The following RNF150 variants were observed in gnomAD, a reference collection of about 807,000 sequenced individuals.
RNF150 encodes ring finger protein 150.
Under a neutral mutation model 39.3 loss-of-function variants are expected in RNF150, and 24 were observed. The observed-to-expected ratio is 0.61, with a 90% CI of 0.44 to 0.86. RNF150 has a LOEUF of 0.86. Ranked by LOEUF, RNF150 falls within the 40% of genes least tolerant of loss-of-function variation. The pLI is 0.00. For synonymous variants in RNF150, 255 were observed against 227.3 expected (o/e 1.12, Z -1.10); for missense variants, 502 against 587.8 (o/e 0.85, Z 1.51).
chr4:141,042,481 C>T (rs528007698), intron 1 of RNF150, among the ~76,000 whole-genome samples: 31 of 151,982 alleles, frequency 2.0e-4, no homozygotes, highest in Admixed American at 4.6e-4. Context: ...GTCTTCCTTC[C>T]TTGAGGCTTT....
intron 5 of RNF150, among the ~76,000 whole-genome samples, chr4:140,916,739 G>T (rs1003578843): frequency 6.6e-6 from 1 of 152,182 alleles, no homozygotes; most frequent in Non-Finnish European, 1.5e-5. Flanking sequence ...ACACGTAATT[G>T]TCAGATTCAC....
chr4:141,186,698 C>G (rs1728019171), intron 1 of RNF150, among the ~76,000 whole-genome samples: 1 of 152,046 alleles, frequency 6.6e-6, no homozygotes, highest in Admixed American at 6.5e-5. Context: ...AGCCACTGCA[C>G]CTGGCCACTT....
At chr4:140,923,870 G>A (rs1159483998) in intron 5 of RNF150, among the ~76,000 whole-genome samples, 1 of 151,494 alleles carries the variant, frequency 6.6e-6, no homozygotes, top group African/African-American at 2.4e-5. Flanking sequence ...CTGTTGCAAG[G>A]ACAAAAAACC....
At chr4:141,191,164 T>A (rs354931) in intron 1 of RNF150, among the ~76,000 whole-genome samples, 142,357 of 152,266 alleles carry the variant, frequency 0.93, 67,234 homozygotes, top group Non-Finnish European at 1. Flanking sequence ...GGTTACTTTC[T>A]GGATGGTGAC....
chr4:141,082,076 C>T (rs139473677), intron 1 of RNF150, among the ~76,000 whole-genome samples: 1 of 152,324 alleles, frequency 6.6e-6, no homozygotes, highest in East Asian at 1.9e-4. Flanking sequence ...ACGTTAATTG[C>T]ACAGTCACAA....
At chr4:141,157,659 C>T (rs1005688779) in intron 1 of RNF150, among the ~76,000 whole-genome samples, 1 of 128,310 alleles carries the variant, frequency 7.8e-6, no homozygotes, top group African/African-American at 2.5e-5. Context: ...TAGACTGATT[C>T]CATATGTCTT....
intron 5 of RNF150, among the ~76,000 whole-genome samples, chr4:140,917,548 T>G (rs371333616): frequency 2.6e-5 from 4 of 152,156 alleles, no homozygotes; most frequent in Non-Finnish European, 4.4e-5. Flanking sequence ...AGCAAGTCCT[T>G]AGTGACCTAC....
intron 1 of RNF150, among the ~76,000 whole-genome samples, chr4:141,034,796 C>T (rs1357669954): frequency 1.3e-5 from 2 of 152,014 alleles, no homozygotes; most frequent in African/African-American, 4.8e-5. Flanking sequence ...TTAAGTTCAC[C>T]ATCTTATATA....
At chr4:140,934,366 C>G (rs896432342) in intron 4 of RNF150, among the ~76,000 whole-genome samples, 1 of 151,954 alleles carries the variant, frequency 6.6e-6, no homozygotes, top group African/African-American at 2.4e-5. Context: ...CAATATAGCA[C>G]CAGTAGTAAT....
At chr4:141,044,381 A>G (rs992071733) in intron 1 of RNF150, among the ~76,000 whole-genome samples, 11 of 152,166 alleles carry the variant, frequency 7.2e-5, no homozygotes, top group African/African-American at 2.7e-4. Flanking sequence ...AAATTCTCAA[A>G]ATGGTAATCT....
At chr4:141,097,290 A>C (rs1401493328) in intron 1 of RNF150, among the ~76,000 whole-genome samples, 2 of 152,220 alleles carry the variant, frequency 1.3e-5, no homozygotes, top group African/African-American at 4.8e-5. Context: ...TGTTGATTGA[A>C]TGCATTTCTC....
At chr4:140,978,908 A>G (rs1341474339) in intron 1 of RNF150, among the ~76,000 whole-genome samples, 2 of 152,208 alleles carry the variant, frequency 1.3e-5, no homozygotes, top group African/African-American at 4.8e-5. Flanking sequence ...TTTTCATTAA[A>G]GTCAGTTTCT....
At chr4:140,946,967 G>A (rs1732339102) in intron 4 of RNF150, among the ~76,000 whole-genome samples, 1 of 152,034 alleles carries the variant, frequency 6.6e-6, no homozygotes, top group South Asian at 2.1e-4. Context: ...AAAAGATTTG[G>A]TTTCATTAAA....
chr4:141,147,788 G>T (rs1272087202), intron 1 of RNF150, among the ~76,000 whole-genome samples: 1 of 152,164 alleles, frequency 6.6e-6, no homozygotes, highest in East Asian at 1.9e-4. Context: ...TTTCAGAGGG[G>T]AGGGGAAAAG....
chr4:141,088,279 C>T (rs114863296), intron 1 of RNF150, among the ~76,000 whole-genome samples: 38 of 152,248 alleles, frequency 2.5e-4, no homozygotes, highest in Admixed American at 7.2e-4. Flanking sequence ...CTCATCTGAG[C>T]GATCCAGTCT....
intron 1 of RNF150, among the ~76,000 whole-genome samples, chr4:141,205,277 A>T (rs901700610): frequency 7.2e-5 from 11 of 152,156 alleles, no homozygotes; most frequent in Non-Finnish European, 1.3e-4. Flanking sequence ...TGTTTATAAG[A>T]TGTTTTTCAT....
chr4:141,177,943 T>C (rs1009331045), intron 1 of RNF150, among the ~76,000 whole-genome samples: 3 of 152,104 alleles, frequency 2.0e-5, no homozygotes, highest in African/African-American at 7.2e-5. Flanking sequence ...AATATGGTAA[T>C]TAAGGTTTTG....
rs529168797 is a variant in RNF150, at chr4:140,867,309, A to G, written c.*952T>C. On this transcript the variant is annotated 3_prime_UTR_variant, in exon 7 of 7. Coordinates refer to ENST00000515673, the MANE Select transcript of RNF150 (RefSeq NM_020724.2). ...GAACCCACTTACAGAGGTAAGAAAA[A>G]AACTGTTCTAGCCCAGGGGAAACCA... 1.6e-4 allele frequency: 24 copies of G among 152,334 alleles called. No homozygotes were observed. The highest frequency in any genetic ancestry group is 5.8e-4 in the African/African-American group (24 of 41,574). 9.4% of individuals were successfully genotyped at this position (152,334 alleles called of 1,614,324 possible).
intron 1 of RNF150, among the ~76,000 whole-genome samples, chr4:141,183,927 T>C (rs1473474488): frequency 6.6e-6 from 1 of 152,200 alleles, no homozygotes; most frequent in Non-Finnish European, 1.5e-5. Context: ...TTTGGGTTGG[T>C]TCCAAGTCTT....
Sources: gnomAD v4.1 joint callset for allele counts (sites outside exome capture counted in the v4.1 genomes callset) on GRCh38, gnomAD v4.1.1 for gene constraint, MANE v1.5 for transcripts, NCBI Gene and HGNC (gene_info 2026-07-23, HGNC 2026-07-21) for gene names.